PRPSAP1: variants seen among roughly 807,000 people sequenced by gnomAD.
PRPSAP1 encodes phosphoribosyl pyrophosphate synthase-associated protein 1.
PRPSAP1 carries 31 observed loss-of-function variants against 39.4 expected under a neutral mutation model. The observed-to-expected ratio is 0.79, with a 90% CI of 0.59 to 1.06. PRPSAP1 has a LOEUF of 1.06. Ranked by LOEUF, PRPSAP1 falls within the 50% of genes least tolerant of loss-of-function variation. The pLI is 0.00. For missense variants in PRPSAP1, 430 were observed against 511.6 expected, an observed-to-expected ratio of 0.84 and a Z score of 1.54; for synonymous variants, 212 against 192.6, an observed-to-expected ratio of 1.10 and a Z score of -0.83.
chr17:76,325,750 G>A (rs897771865), intron 7 of PRPSAP1, among the ~76,000 whole-genome samples: 6 of 150,754 alleles, frequency 4.0e-5, no homozygotes, highest in Admixed American at 6.6e-5. Context: ...GACTACAGGC[G>A]CCCGCCACTA....
chr17:76,313,827 G>T lies in PRPSAP1; in HGVS notation c.846C>A (p.Ile282=). 1 of 1,614,156 alleles carries T rather than the reference G, an allele frequency of 6.2e-7. No homozygotes were observed. The highest frequency in any genetic ancestry group is 8.5e-7 in the Non-Finnish European group (1 of 1,180,034). Residue 282 remains isoleucine (I), a synonymous_variant, in exon 8 of 10, where the codon ATC becomes ATA. Coordinates refer to ENST00000446526, the MANE Select transcript of PRPSAP1 (RefSeq NM_002766.3). ...GGATGACATATAACCATACCACGATGATTGCGATGCGGCCTCCAACATCTC... is the reference window on the plus strand; with the variant it reads ...GGATGACATATAACCATACCACGATTATTGCGATGCGGCCTCCAACATCTC... ...VVGDVGGRIA[I]IVDDIIDDVE...
intron 7 of PRPSAP1, among the ~76,000 whole-genome samples, chr17:76,315,969 G>C (rs1393852315): frequency 6.6e-6 from 1 of 151,444 alleles, no homozygotes; most frequent in Non-Finnish European, 1.5e-5. Context: ...CCTGAGGTCA[G>C]GAGTTCAAGA....
intron 7 of PRPSAP1, among the ~76,000 whole-genome samples, chr17:76,315,123 G>T (rs950548567): frequency 3.3e-5 from 5 of 152,172 alleles, no homozygotes; most frequent in African/African-American, 1.2e-4. Context: ...GGTGCTTAAA[G>T]TAGAGACTTT....
intron 3 of PRPSAP1, among the ~76,000 whole-genome samples, chr17:76,335,712 T>C (rs1369867744): frequency 6.6e-6 from 1 of 152,136 alleles, no homozygotes. Flanking sequence ...GTGGACCAAG[T>C]GCAGTAGTTT....
intron 1 of PRPSAP1, 92 bp downstream of exon 1, chr17:76,353,442 G>A (rs937283242): frequency 8.0e-7 from 1 of 1,249,128 alleles, no homozygotes; most frequent in Non-Finnish European, 1.1e-6. Flanking sequence ...AGGTGCAGGA[G>A]GTGGGGCGGG....
At chr17:76,349,090 C>T (rs1292872285) in intron 1 of PRPSAP1, among the ~76,000 whole-genome samples, 1 of 152,010 alleles carries the variant, frequency 6.6e-6, no homozygotes, top group African/African-American at 2.4e-5. Flanking sequence ...GCGGGCGGAT[C>T]ACCTGAGGTC....
At chr17:76,321,306 C>T (rs530948839) in intron 7 of PRPSAP1, among the ~76,000 whole-genome samples, 1 of 152,044 alleles carries the variant, frequency 6.6e-6, no homozygotes, top group African/African-American at 2.4e-5. Context: ...CATGTAATCC[C>T]AGCACTTTGG....
At chr17:76,321,769 C>T (rs1479500122) in intron 7 of PRPSAP1, among the ~76,000 whole-genome samples, 1 of 152,158 alleles carries the variant, frequency 6.6e-6, no homozygotes, top group East Asian at 1.9e-4. Flanking sequence ...AAAGCTACAC[C>T]TCTTTAGTCA....
At chr17:76,319,614 GC>G (rs1567798628) in intron 7 of PRPSAP1, 1 of 151,960 alleles carries the variant, frequency 6.6e-6, no homozygotes, top group African/African-American at 2.4e-5. Context: ...GATTACAGGT[GC>G]CCGCCACCAT....
chr17:76,312,366 G>A (rs1598514179), intron 9 of PRPSAP1, among the ~76,000 whole-genome samples: 1 of 151,840 alleles, frequency 6.6e-6, no homozygotes, highest in East Asian at 1.9e-4. Context: ...GAACCCGGGA[G>A]GCAGAGGTTG....
At chr17:76,327,146 G>A (rs868782622) in intron 7 of PRPSAP1, among the ~76,000 whole-genome samples, 3 of 151,460 alleles carry the variant, frequency 2.0e-5, no homozygotes, top group African/African-American at 4.9e-5. Context: ...TTAGCAGCTC[G>A]AGACCAGCCT....
intron 3 of PRPSAP1, among the ~76,000 whole-genome samples, chr17:76,340,483 A>G (rs2071424015): frequency 6.8e-6 from 1 of 146,048 alleles, no homozygotes; most frequent in South Asian, 2.1e-4. Context: ...TTAAATACTT[A>G]TATTGAGCAC....
chr17:76,313,574 A>G (rs1232452572), intron 8 of PRPSAP1: 6 of 471,278 alleles, frequency 1.3e-5, no homozygotes, highest in South Asian at 3.4e-5. Context: ...TAGAATCCAC[A>G]TGATGAAGGT....
intron 3 of PRPSAP1, among the ~76,000 whole-genome samples, chr17:76,340,763 G>A (rs1447452474): frequency 6.6e-6 from 1 of 152,068 alleles, no homozygotes; most frequent in Non-Finnish European, 1.5e-5. Flanking sequence ...AGTGGCACAT[G>A]CCTGTAGTCC....
intron 3 of PRPSAP1, among the ~76,000 whole-genome samples, chr17:76,333,589 G>A (rs1193696440): frequency 6.6e-6 from 1 of 151,932 alleles, no homozygotes; most frequent in East Asian, 2.0e-4. Flanking sequence ...AGGTTGCAGT[G>A]AGCCGAGATC....
At position 76,328,207 on chromosome 17, in the gene PRPSAP1, G is replaced by A. The variant is rs76961600; in HGVS notation, c.781+510C>T. Among the ~76,000 whole-genome samples, 594 of 150,346 alleles carry A rather than the reference G, an allele frequency of 4.0e-3. 8 individuals are homozygous for A. Among genetic ancestry groups the A allele is most frequent in the African/African-American group, 0.013 (533 of 41,044 alleles). On this transcript the variant is annotated intron_variant, in intron 7 of 9. Coordinates refer to ENST00000446526, the MANE Select transcript of PRPSAP1 (RefSeq NM_002766.3). Reference sequence around the variant, plus strand: ...TTCTCAAAAAAAAAAAAAAAAAGGCGGAGGATAGCAAATACCATTCCATTA... The same window carrying A: ...TTCTCAAAAAAAAAAAAAAAAAGGCAGAGGATAGCAAATACCATTCCATTA...
intron 3 of PRPSAP1, among the ~76,000 whole-genome samples, chr17:76,339,438 C>T (rs1316143414): frequency 6.6e-6 from 1 of 151,766 alleles, no homozygotes; most frequent in Non-Finnish European, 1.5e-5. Flanking sequence ...TTTATTGTGA[C>T]AAACCTAATA....
chr17:76,332,107 A>G (rs1165422592), intron 4 of PRPSAP1, among the ~76,000 whole-genome samples, 156 bp downstream of exon 4: 1 of 152,214 alleles, frequency 6.6e-6, no homozygotes, highest in Non-Finnish European at 1.5e-5. Context: ...GAAAAAAAAG[A>G]ATTTCTAACC....
rs2143500144 is a variant in PRPSAP1, at chr17:76,330,564, T to C, written c.566A>G (p.Tyr189Cys). Residue 189 changes from tyrosine to cysteine, a missense_variant, in exon 5 of 10, where the codon TAT becomes TGT. Physicochemically the swap from Tyr to Cys is radical, Grantham distance 194 (BLOSUM62 -2). Around this residue, in one of 2 missense-constraint regions of PRPSAP1, gnomAD observed 278 missense variants for 376.3 expected, o/e 0.74. Transcript: ENST00000446526. Reference sequence around the variant, plus strand: ...GTGGTTCCTCACTTCTTCCTGGATATACTGAAGCAGGAAAGGTGAGGCTCT... The same window carrying C: ...GTGGTTCCTCACTTCTTCCTGGATACACTGAAGCAGGAAAGGTGAGGCTCT... ...NLRASPFLLQ[Y>C]IQEEIPNYRN... 1 of 1,603,314 alleles carries C rather than the reference T, an allele frequency of 6.2e-7. No individual in the cohort carries two copies. Among genetic ancestry groups the C allele is most frequent in the South Asian group, 1.1e-5 (1 of 90,478 alleles).
Sources: allele counts gnomAD v4.1 joint callset (sites outside exome capture counted in the v4.1 genomes callset), GRCh38; gene constraint gnomAD v4.1.1; regional missense constraint gnomAD v4.1.1; transcripts MANE v1.5; gene names NCBI Gene and HGNC (gene_info 2026-07-23, HGNC 2026-07-21).